SCFD2: variants seen among roughly 807,000 people sequenced by gnomAD.
SCFD2 encodes sec1 family domain containing 2.
In SCFD2, 54 loss-of-function variants were observed where a neutral mutation model predicts 58.9. That is an observed-to-expected ratio of 0.92 (90% CI 0.74 to 1.15). The LOEUF (loss-of-function observed/expected upper bound fraction) is 1.15. Ranked by LOEUF, SCFD2 falls within the 50% of genes most tolerant of loss-of-function variation. SCFD2 has a pLI of 0.00. For synonymous variants in SCFD2, 321 were observed against 335.9 expected, an observed-to-expected ratio of 0.96 and a Z score of 0.49; for missense variants, 805 against 836.6, an observed-to-expected ratio of 0.96 and a Z score of 0.47.
At chr4:52,880,586 C>T (rs563758219) in intron 8 of SCFD2, among the ~76,000 whole-genome samples, 4 of 146,378 alleles carry the variant, frequency 2.7e-5, no homozygotes, top group Admixed American at 6.8e-5. Flanking sequence ...CACTGCCCTC[C>T]GGCCTGGGTG....
intron 3 of SCFD2, among the ~76,000 whole-genome samples, chr4:53,292,272 G>A (rs1467117326): frequency 6.6e-6 from 1 of 152,044 alleles, no homozygotes; most frequent in African/African-American, 2.4e-5. Context: ...ACAATCTACA[G>A]AATGAGAGAA....
intron 7 of SCFD2, among the ~76,000 whole-genome samples, chr4:52,886,627 G>A (rs564171602): frequency 9.9e-5 from 15 of 152,228 alleles, no homozygotes; most frequent in Non-Finnish European, 2.1e-4. Context: ...ATTGCTGGCT[G>A]TGGAGGACCC....
At chr4:53,264,074 G>T (rs1730909237) in intron 4 of SCFD2, among the ~76,000 whole-genome samples, 2 of 152,112 alleles carry the variant, frequency 1.3e-5, no homozygotes, top group Admixed American at 1.3e-4. Context: ...CAGGGAAAAG[G>T]GGTAAAGCCG....
At chr4:52,956,561 T>G in intron 5 of SCFD2, 1 of 231,488 alleles carries the variant, frequency 4.3e-6, no homozygotes, top group Non-Finnish European at 8.7e-6. Flanking sequence ...ATTGGTGCCT[T>G]CCTTGCAGTA....
At position 53,359,709 on chromosome 4, in the gene SCFD2, C is replaced by T. The variant is rs75381889; in HGVS notation, c.838+5395G>A. Among the ~76,000 whole-genome samples, 1,145 of 152,300 alleles carry T rather than the reference C, an allele frequency of 7.5e-3. 15 individuals carry two copies. The highest frequency in any genetic ancestry group is 0.026 in the African/African-American group (1,081 of 41,542). On this transcript the variant is annotated intron_variant, in intron 1 of 8. Coordinates refer to ENST00000401642, the MANE Select transcript of SCFD2 (RefSeq NM_152540.4). ...CACCAAACTCTTGTAACAACTACTC[C>T]ATTAAGCTGATAGTCATGAGCTTCC...
intron 5 of SCFD2, among the ~76,000 whole-genome samples, chr4:53,015,666 C>T (rs927025536): frequency 6.6e-6 from 1 of 152,074 alleles, no homozygotes; most frequent in Admixed American, 6.6e-5. Context: ...TCTATGTGTT[C>T]CTGGAAGCTT....
intron 8 of SCFD2, among the ~76,000 whole-genome samples, chr4:52,882,199 A>G (rs1285891547): frequency 6.6e-6 from 1 of 152,124 alleles, no homozygotes; most frequent in African/African-American, 2.4e-5. Context: ...GGAACTGATG[A>G]TATTCAGTTT....
chr4:53,306,695 A>G (rs575198447), intron 3 of SCFD2, among the ~76,000 whole-genome samples: 1 of 152,284 alleles, frequency 6.6e-6, no homozygotes, highest in East Asian at 1.9e-4. Context: ...TGATCCACAC[A>G]CACTTAACTA....
chr4:53,313,315 A>G (rs183873922), intron 3 of SCFD2, among the ~76,000 whole-genome samples: 3 of 152,336 alleles, frequency 2.0e-5, no homozygotes, highest in East Asian at 3.9e-4. Context: ...GGGGGAAAAA[A>G]GGGAGTAGGG....
At chr4:53,008,578 A>G (rs796795065) in intron 5 of SCFD2, among the ~76,000 whole-genome samples, 7 of 152,368 alleles carry the variant, frequency 4.6e-5, no homozygotes, top group African/African-American at 1.7e-4. Context: ...GTAGCTATGT[A>G]AACTTGCTCA....
intron 5 of SCFD2, among the ~76,000 whole-genome samples, chr4:52,937,897 G>A (rs1374345739): frequency 9.2e-5 from 14 of 152,092 alleles, no homozygotes; most frequent in Admixed American, 8.5e-4. Context: ...TTTAAGAAAA[G>A]GAAATTTTCT....
chr4:53,036,247 C>G (rs1175524612), intron 5 of SCFD2, among the ~76,000 whole-genome samples: 2 of 151,528 alleles, frequency 1.3e-5, no homozygotes, highest in Non-Finnish European at 1.5e-5. Context: ...GTGTGATGGT[C>G]CCCGCCCTGT....
chr4:53,149,872 C>T (rs1040986463), intron 4 of SCFD2, among the ~76,000 whole-genome samples: 1 of 152,060 alleles, frequency 6.6e-6, no homozygotes, highest in South Asian at 2.1e-4. Context: ...TTATGAAGAT[C>T]GTGAACAATC....
At chr4:53,179,920 G>A (rs1727485551) in intron 4 of SCFD2, among the ~76,000 whole-genome samples, 2 of 152,188 alleles carry the variant, frequency 1.3e-5, no homozygotes, top group Non-Finnish European at 2.9e-5. Flanking sequence ...TTACATAATG[G>A]TAAAGGGATC....
intron 4 of SCFD2, among the ~76,000 whole-genome samples, chr4:53,258,481 T>C (rs1261084342): frequency 6.7e-6 from 1 of 150,308 alleles, no homozygotes; most frequent in African/African-American, 2.5e-5. Flanking sequence ...TCAAGGTTGC[T>C]GCAAATGCCA....
At chr4:53,036,465 C>T (rs183439251) in intron 5 of SCFD2, among the ~76,000 whole-genome samples, 27 of 150,628 alleles carry the variant, frequency 1.8e-4, no homozygotes, top group South Asian at 4.2e-4. Flanking sequence ...AATAGTAGAC[C>T]GGATAAAGAA....
intron 3 of SCFD2, among the ~76,000 whole-genome samples, chr4:53,275,888 T>G (rs1384324626): frequency 6.6e-6 from 1 of 152,186 alleles, no homozygotes; most frequent in Non-Finnish European, 1.5e-5. Flanking sequence ...GAGTGATATT[T>G]CATTGTGTGG....
intron 5 of SCFD2, among the ~76,000 whole-genome samples, chr4:53,029,334 A>C (rs1400092627): frequency 6.6e-6 from 1 of 152,212 alleles, no homozygotes; most frequent in African/African-American, 2.4e-5. Context: ...ACTTTCTACT[A>C]AACTGCTCCA....
intron 5 of SCFD2, among the ~76,000 whole-genome samples, chr4:52,955,554 A>G (rs1720692318): frequency 6.6e-6 from 1 of 152,212 alleles, no homozygotes; most frequent in Admixed American, 6.5e-5. Context: ...CAGAGGGGTT[A>G]AGTGATTTGT....
Sources: gnomAD v4.1 joint callset for allele counts (sites outside exome capture counted in the v4.1 genomes callset) on GRCh38, gnomAD v4.1.1 for gene constraint, MANE v1.5 for transcripts, NCBI Gene and HGNC (gene_info 2026-07-23, HGNC 2026-07-21) for gene names.